The following SIM1 variants were observed in gnomAD, a reference collection of about 807,000 sequenced individuals.
SIM1 encodes the protein SIM bHLH transcription factor 1.
In SIM1, 18 loss-of-function variants were observed where a neutral mutation model predicts 78.2. The observed-to-expected ratio is 0.23, with a 90% CI of 0.16 to 0.34. The LOEUF is 0.34. SIM1 is among the 10% of genes least tolerant of loss of function. The probability of loss-of-function intolerance (pLI) is 1.00; values close to 1 mark genes in which losing one functional copy is unlikely to be tolerated. For missense variants in SIM1, 939 were observed against 975.1 expected (o/e 0.96, Z 0.49); for synonymous variants, 417 against 385.2 (o/e 1.08, Z -0.97).
Position 100,393,732 on chromosome 6 carries a change from CGG to C in SIM1, c.1323_1324del (p.Asp441GlufsTer11). 2 of 1,614,210 alleles carry C rather than the reference CGG, an allele frequency of 1.2e-6. No individual in the cohort carries two copies. Among genetic ancestry groups the C allele is most frequent in the Admixed American group, 3.3e-5 (2 of 60,030 alleles). The stretch of plus-strand genomic sequence containing the variant: ...CGCAAAGCCATAGCAGAGAGAGCTG[CGG>C]TCCGAAAACTGTCTGTAGGCGCACG... On this transcript the variant is annotated frameshift_variant, in exon 11 of 12. Coordinates refer to ENST00000369208, the MANE Select transcript of SIM1 (RefSeq NM_005068.3). LOFTEE classifies it high-confidence loss of function.
At chr6:100,429,337 C>G (rs553654592) in intron 9 of SIM1, among the ~76,000 whole-genome samples, 5 of 149,404 alleles carry the variant, frequency 3.3e-5, no homozygotes, top group Admixed American at 1.3e-4. Context: ...CCACTGCACT[C>G]CAGCTGGGAG....
chr6:100,403,137 G>C (rs779027698), intron 10 of SIM1, among the ~76,000 whole-genome samples: 13 of 152,056 alleles, frequency 8.5e-5, no homozygotes, highest in Non-Finnish European at 1.8e-4. Context: ...TCATATTTAA[G>C]TTTTAGTTTT....
chr6:100,403,421 C>T (rs1770977209), intron 10 of SIM1, among the ~76,000 whole-genome samples: 2 of 152,172 alleles, frequency 1.3e-5, no homozygotes, highest in African/African-American at 4.8e-5. Context: ...TAATATGCAC[C>T]CAATGGGATC....
In SIM1 at chr6:100,463,279, G is replaced by A. The variant is rs780376597; in HGVS notation, c.175+15C>T. 3.1e-6 allele frequency: 5 copies of A among 1,594,796 alleles called. No individual in the cohort carries two copies. The highest frequency in any genetic ancestry group is 4.3e-6 in the Non-Finnish European group (5 of 1,165,052). On this transcript the variant is annotated intron_variant, in intron 2 of 11. Transcript: ENST00000369208. ...CCTTCTGCCTTTGAAATTCCATCTG[G>A]GCAAAGTCACTTACCTTCTGGGAAC...
chr6:100,435,691 A>G (rs1328109288), intron 9 of SIM1, among the ~76,000 whole-genome samples: 1 of 152,194 alleles, frequency 6.6e-6, no homozygotes, highest in Non-Finnish European at 1.5e-5. Flanking sequence ...ATAATTGACA[A>G]CATATTTCAA....
At chr6:100,448,750 G>GA in intron 6 of SIM1, 72 bp from the exon 7 acceptor site, 1 of 1,327,584 alleles carries the variant, frequency 7.5e-7, no homozygotes, top group African/African-American at 1.4e-5. Flanking sequence ...AGAAGGGGTT[G>GA]AAACATGTTG....
chr6:100,396,027 G>A (rs1319709947), intron 10 of SIM1: 31 of 922,502 alleles, frequency 3.4e-5, no homozygotes, highest in Non-Finnish European at 3.9e-5. Context: ...TAGAATAGGA[G>A]ACATCAAGGC....
At chr6:100,452,527 G>A (rs1397381785) in intron 3 of SIM1, among the ~76,000 whole-genome samples, 1 of 152,190 alleles carries the variant, frequency 6.6e-6, no homozygotes, top group Non-Finnish European at 1.5e-5. Context: ...CAGACTGCAG[G>A]GATGAGGGAG....
chr6:100,449,508 C>A, intron 5 of SIM1, 60 bp from the exon 6 acceptor site: 1 of 1,577,390 alleles, frequency 6.3e-7, no homozygotes, highest in Non-Finnish European at 8.7e-7. Context: ...TGGGACAGCA[C>A]GCGTCTCTGC....
chr6:100,458,405 G>C (rs1476387514), intron 2 of SIM1, among the ~76,000 whole-genome samples: 1 of 152,174 alleles, frequency 6.6e-6, no homozygotes, highest in Non-Finnish European at 1.5e-5. Flanking sequence ...TTGGCGCAGG[G>C]ACTCGGACGA....
intron 10 of SIM1, among the ~76,000 whole-genome samples, chr6:100,415,745 TC>T (rs747643399): frequency 1.3e-5 from 2 of 152,176 alleles, no homozygotes; most frequent in Non-Finnish European, 2.9e-5. Flanking sequence ...CACTTTAAGT[TC>T]CAGCTCCTTT....
intron 4 of SIM1, 125 bp downstream of exon 4, chr6:100,450,142 G>T (rs1772471052): frequency 3.9e-6 from 3 of 761,928 alleles, no homozygotes; most frequent in Non-Finnish European, 6.9e-6. Flanking sequence ...GAGTCTTCCT[G>T]CTAGCTGTGA....
chr6:100,461,372 C>A (rs879878006), intron 2 of SIM1, among the ~76,000 whole-genome samples: 2 of 152,234 alleles, frequency 1.3e-5, no homozygotes, highest in Non-Finnish European at 2.9e-5. Flanking sequence ...CGGGTCTACA[C>A]CAAGCCGACT....
Position 100,463,193 on chromosome 6 carries a change from T to C in SIM1, c.175+101A>G. 4.0e-6 allele frequency: 4 copies of C among 1,002,328 alleles called. No homozygotes were observed. The South Asian group carries it at 5.5e-5, about 14-fold the overall frequency. 62.1% of individuals were successfully genotyped at this position (1,002,328 alleles called of 1,614,324 possible). On this transcript the variant is annotated intron_variant, in intron 2 of 11. Transcript: ENST00000369208. ...AACTTCCCTTTGCAAAATATATATG[T>C]AAATATGTATGCATTTCTCTGGTCA...
chr6:100,459,108 C>G (rs1582328758), intron 2 of SIM1, among the ~76,000 whole-genome samples: 1 of 152,204 alleles, frequency 6.6e-6, no homozygotes, highest in South Asian at 2.1e-4. Flanking sequence ...TGGACAACAA[C>G]TCCCCTAGAA....
chr6:100,392,326 G>C (rs1221626268), intron 11 of SIM1, among the ~76,000 whole-genome samples: 1 of 152,204 alleles, frequency 6.6e-6, no homozygotes, highest in East Asian at 1.9e-4. Flanking sequence ...TAAAAAGAGA[G>C]AAGAGAAACA....
intron 10 of SIM1, among the ~76,000 whole-genome samples, chr6:100,412,689 AAGAAAG>A (rs1562240012): frequency 9.8e-4 from 66 of 67,104 alleles, no homozygotes; most frequent in Admixed American, 2.9e-3. Flanking sequence ...AAGAAAAAGA[AAGAAAG>A]AAAGAAAGAA....
intron 9 of SIM1, among the ~76,000 whole-genome samples, chr6:100,422,575 T>C (rs149744120): frequency 0.015 from 2,257 of 152,290 alleles, 20 homozygotes; most frequent in Non-Finnish European, 0.021. Flanking sequence ...CAAATATTCA[T>C]TTATCTTCTT....
intron 9 of SIM1, among the ~76,000 whole-genome samples, chr6:100,444,122 C>T (rs1200407051): frequency 2.2e-5 from 3 of 136,434 alleles, no homozygotes; most frequent in Non-Finnish European, 4.9e-5. Flanking sequence ...ATTTTCTTTA[C>T]ATTAAAAACT....
Sources: gnomAD v4.1 joint callset for allele counts (sites outside exome capture counted in the v4.1 genomes callset) on GRCh38, gnomAD v4.1.1 for gene constraint, MANE v1.5 for transcripts, NCBI Gene and HGNC (gene_info 2026-07-23, HGNC 2026-07-21) for gene names.